The following NDUFAF5 variants were observed in gnomAD, a reference collection of about 807,000 sequenced individuals.
The protein encoded by NDUFAF5 is NADH:ubiquinone oxidoreductase complex assembly factor 5.
Under a neutral mutation model 48.9 loss-of-function variants are expected in NDUFAF5, and 34 were observed. The ratio of observed to expected loss-of-function variants is 0.70; its 90% CI spans 0.53 to 0.93. The LOEUF is 0.93. Among genes scored for constraint, NDUFAF5 ranks in the 40% least tolerant of loss-of-function variants. The probability of loss-of-function intolerance (pLI) is 0.00; values close to 1 mark genes in which losing one functional copy is unlikely to be tolerated. For missense variants in NDUFAF5, 428 were observed against 427.5 expected, an observed-to-expected ratio of 1.00 and a Z score of -0.01; for synonymous variants, 153 against 150.6, an observed-to-expected ratio of 1.02 and a Z score of -0.12.
chr20:13,816,202 T>C (rs184062127), intron 8 of NDUFAF5: 198 of 511,482 alleles, frequency 3.9e-4, no homozygotes, highest in Non-Finnish European at 6.0e-4. Flanking sequence ...CTTTAGACCA[T>C]TGCTGGCAAG....
Position 13,785,209 on chromosome 20 carries a change from CG to C in NDUFAF5, c.142del (p.Asp48ThrfsTer4). 6.2e-7 allele frequency: 1 copy of C among 1,613,742 alleles called. No individual in the cohort carries two copies. The highest frequency in any genetic ancestry group is 8.5e-7 in the Non-Finnish European group (1 of 1,179,832). On this transcript the variant is annotated frameshift_variant, in exon 1 of 11. Transcript: ENST00000378106. LOFTEE classifies it high-confidence loss of function. ...CCTCGCCCAGAACCCTGAATATTTT[CG>C]ACCGGGATTTGAAAAGGAAACAGAA... ...STSPRTLNIF[D>X]RDLKRKQKNW... is the part of the protein sequence containing the mutation.
At chr20:13,798,066 G>A (rs1374243955) in intron 5 of NDUFAF5, among the ~76,000 whole-genome samples, 1 of 152,050 alleles carries the variant, frequency 6.6e-6, no homozygotes, top group African/African-American at 2.4e-5. Flanking sequence ...CTATATTTCT[G>A]TAGCTTAATT....
chr20:13,797,370 A>G (rs1983405169), intron 5 of NDUFAF5, among the ~76,000 whole-genome samples: 1 of 152,238 alleles, frequency 6.6e-6, no homozygotes, highest in South Asian at 2.1e-4. Flanking sequence ...GTGAATGGAT[A>G]AACTTTGTTG....
chr20:13,798,597 G>A (rs1425383379), intron 6 of NDUFAF5, 97 bp downstream of exon 6: 3 of 996,374 alleles, frequency 3.0e-6, no homozygotes, highest in African/African-American at 3.2e-5. Context: ...TTACTTGTAG[G>A]TCTGACAGTT....
chr20:13,785,113 G>T lies in NDUFAF5; in HGVS notation c.45G>T (p.Trp15Cys). 1.2e-6 allele frequency: 2 copies of T among 1,613,660 alleles called. No individual in the cohort carries two copies. The highest frequency in any genetic ancestry group is 1.7e-6 in the Non-Finnish European group (2 of 1,179,948). Residue 15 changes from tryptophan (W) to cysteine (C), a missense_variant, in exon 1 of 11, where the codon TGG becomes TGT. Trp to Cys is a radical substitution (Grantham distance 215). Coordinates refer to ENST00000378106, the MANE Select transcript of NDUFAF5 (RefSeq NM_024120.5). ...AGLWRLCRRP[W>C]AARVPAENLG... is the part of the protein sequence containing the mutation. ...TCTGGCGCTTATGTCGGCGACCTTG[G>T]GCGGCGAGGGTCCCAGCGGAGAATC...
rs1172442237 is a variant in NDUFAF5 at position 13,801,673 on chromosome 20, C to T, written c.707C>T (p.Thr236Ile). The T allele has an allele frequency of 3.1e-6, 5 of 1,613,410 alleles. No homozygotes were observed. The highest frequency in any genetic ancestry group is 2.2e-5 in the East Asian group (1 of 44,874). ...CTGCTTGGGAGAGCTGGCTTTAATACTCTGACTGTGGTAACTATCAAGTTC... is the reference window on the plus strand; with the variant it reads ...CTGCTTGGGAGAGCTGGCTTTAATATTCTGACTGTGGTAACTATCAAGTTC... The part of the protein sequence containing the change: ...GHLLGRAGFN[T>I]LTVDTDEIQV... The change falls in exon 7 of 11, where the codon ACT becomes ATT. Residue 236 changes from threonine (T) to isoleucine (I), a missense_variant. Transcript: ENST00000378106.
intron 8 of NDUFAF5, among the ~76,000 whole-genome samples, chr20:13,811,839 T>C (rs1985909601): frequency 6.6e-6 from 1 of 152,100 alleles, no homozygotes; most frequent in African/African-American, 2.4e-5. Flanking sequence ...ATCATTTCGA[T>C]GAATGGGGGA....
In NDUFAF5 at chr20:13,817,353, A is replaced by C; in HGVS notation, c.*143A>C. On this transcript the variant is annotated 3_prime_UTR_variant, in exon 11 of 11. Coordinates refer to ENST00000378106, the MANE Select transcript of NDUFAF5 (RefSeq NM_024120.5). ...CATATAATTAGGAAAACCTAATATC[A>C]CATCTATAGTAACCATTTCAGTTTC... 1 of 742,530 alleles carries C rather than the reference A, an allele frequency of 1.3e-6. No individual in the cohort carries two copies. Among genetic ancestry groups the C allele is most frequent in the Non-Finnish European group, 2.4e-6 (1 of 410,066 alleles). The allele number at this position is 742,530 out of a possible 1,614,324, so 46.0% of individuals were successfully genotyped here.
chr20:13,795,012 G>T (rs1982965406), intron 5 of NDUFAF5, 71 bp downstream of exon 5: 1 of 1,080,142 alleles, frequency 9.3e-7, no homozygotes. Context: ...TTGCTATGAG[G>T]CCAGGAGCGG....
chr20:13,786,946 A>G (rs144691029), intron 1 of NDUFAF5, among the ~76,000 whole-genome samples: 88 of 152,098 alleles, frequency 5.8e-4, no homozygotes, highest in African/African-American at 2.0e-3. Context: ...CAACTAACTA[A>G]TTTTTCACTT....
At chr20:13,800,668 C>T (rs1191598066) in intron 6 of NDUFAF5, among the ~76,000 whole-genome samples, 2 of 152,168 alleles carry the variant, frequency 1.3e-5, no homozygotes, top group African/African-American at 4.8e-5. Flanking sequence ...ATAATGATTT[C>T]TCTGTAGCTT....
In NDUFAF5 at chr20:13,819,000, C is replaced by T. The variant is rs530673354; in HGVS notation, c.*1790C>T. 6.6e-6 allele frequency: 1 copy of T among 152,306 alleles called. No individual in the cohort carries two copies. The highest frequency in any genetic ancestry group is 2.4e-5 in the African/African-American group (1 of 41,552). The allele number at this position is 152,306 out of a possible 1,614,324, so 9.4% of individuals were successfully genotyped here. On this transcript the variant is annotated 3_prime_UTR_variant, in exon 11 of 11. Transcript: ENST00000378106. Reference sequence around the variant, plus strand: ...TGGTGGGGTGGAGCTAAGGATTACTCTACTCTGGCTATCCCAAAAAAAGCT... The same window carrying T: ...TGGTGGGGTGGAGCTAAGGATTACTTTACTCTGGCTATCCCAAAAAAAGCT...
chr20:13,799,272 C>A (rs1983734414), intron 6 of NDUFAF5, among the ~76,000 whole-genome samples: 2 of 152,120 alleles, frequency 1.3e-5, no homozygotes, highest in Non-Finnish European at 2.9e-5. Context: ...AAAATGACAT[C>A]ATTATAAAGC....
intron 7 of NDUFAF5, among the ~76,000 whole-genome samples, chr20:13,802,555 A>T (rs1984337362): frequency 6.6e-6 from 1 of 151,612 alleles, no homozygotes; most frequent in Non-Finnish European, 1.5e-5. Context: ...CTGTAATCCC[A>T]GCTACTCTGG....
intron 8 of NDUFAF5, among the ~76,000 whole-genome samples, chr20:13,809,614 G>A (rs1384957354): frequency 1.3e-5 from 2 of 152,196 alleles, no homozygotes; most frequent in Admixed American, 6.5e-5. Context: ...TACTTTATAG[G>A]CCTTGTTAAA....
chr20:13,798,603 C>T (rs79389276), intron 6 of NDUFAF5, 103 bp downstream of exon 6: 1 of 949,666 alleles, frequency 1.1e-6, no homozygotes, highest in South Asian at 1.3e-5. Flanking sequence ...GTAGGTCTGA[C>T]AGTTGGGAAA....
chr20:13,806,293 G>A (rs767978811), intron 7 of NDUFAF5, among the ~76,000 whole-genome samples: 6 of 152,220 alleles, frequency 3.9e-5, no homozygotes, highest in Non-Finnish European at 7.3e-5. Context: ...AGATCACAAG[G>A]TCAGGAGATC....
chr20:13,804,424 C>CT (rs35724891), intron 7 of NDUFAF5, among the ~76,000 whole-genome samples: 28,716 of 146,206 alleles, frequency 0.2, 2,885 homozygotes, highest in Non-Finnish European at 0.24. Context: ...ACCTTCCAGA[C>CT]TTTTTTTTTT....
Position 13,820,750 on chromosome 20 carries a change from G to A in NDUFAF5, c.*3540G>A, listed in dbSNP as rs1986932462. On this transcript the variant is annotated 3_prime_UTR_variant, in exon 11 of 11. Coordinates refer to ENST00000378106, the MANE Select transcript of NDUFAF5 (RefSeq NM_024120.5). The stretch of plus-strand genomic sequence containing the variant: ...ATTATGTATTCCTTAAGTAGGAGTG[G>A]AATAAAAGTATTTTACCGTGGATTG... The A allele has an allele frequency of 6.6e-6, 1 of 152,108 alleles. No individual in the cohort carries two copies. The allele number at this position is 152,108 out of a possible 1,614,324, so 9.4% of individuals were successfully genotyped here.
Sources: allele counts gnomAD v4.1 joint callset (sites outside exome capture counted in the v4.1 genomes callset), GRCh38; gene constraint gnomAD v4.1.1; transcripts MANE v1.5; gene names NCBI Gene and HGNC (gene_info 2026-07-23, HGNC 2026-07-21).